GSE1: variants seen among roughly 807,000 people sequenced by gnomAD.
The protein encoded by GSE1 is Gse1 coiled-coil protein.
A neutral mutation model predicts 112.6 loss-of-function variants in GSE1; 32 were observed. That is an observed-to-expected ratio of 0.28 (90% CI 0.21 to 0.38). The LOEUF is 0.38. GSE1 is among the 10% of genes least tolerant of loss of function. The pLI, the probability that GSE1 is intolerant of heterozygous loss-of-function variation, is 1.00. For synonymous variants in GSE1, 1,115 were observed against 735.6 expected (o/e 1.52, Z -8.35); for missense variants, 2,348 against 1,699.2 (o/e 1.38, Z -6.71).
chr16:85,393,060 G>A (rs2047880960), intron 2 of GSE1, among the ~76,000 whole-genome samples: 1 of 152,230 alleles, frequency 6.6e-6, no homozygotes, highest in Non-Finnish European at 1.5e-5. Context: ...GGCTGCTGGT[G>A]CAGGGCCTGC....
chr16:85,617,282 C>G (rs1408501019), intron 1 of GSE1, among the ~76,000 whole-genome samples: 1 of 152,158 alleles, frequency 6.6e-6, no homozygotes, highest in African/African-American at 2.4e-5. Flanking sequence ...GAGTCCAGGC[C>G]TGGAGGAAGG....
At chr16:85,603,925 G>C (rs569036774) in intron 1 of GSE1, among the ~76,000 whole-genome samples, 4 of 152,278 alleles carry the variant, frequency 2.6e-5, no homozygotes, top group Admixed American at 1.3e-4. Context: ...CTCTGTCCTG[G>C]TCCAAATCAT....
chr16:85,516,454 C>CTA (rs2051940548), intron 2 of GSE1, among the ~76,000 whole-genome samples: 1 of 75,192 alleles, frequency 1.3e-5, no homozygotes, highest in African/African-American at 7.3e-5. Context: ...ACCCCCATCT[C>CTA]TACAAAAAAA....
At chr16:85,320,089 G>C (rs905194007) in intron 1 of GSE1, among the ~76,000 whole-genome samples, 3 of 152,186 alleles carry the variant, frequency 2.0e-5, no homozygotes, top group African/African-American at 7.2e-5. Context: ...AATCTGTCTG[G>C]GAAACTTTAA....
intron 2 of GSE1, among the ~76,000 whole-genome samples, chr16:85,501,529 C>A (rs1001259811): frequency 6.6e-6 from 1 of 151,690 alleles, no homozygotes; most frequent in Non-Finnish European, 1.5e-5. Context: ...ATAGCTGAGA[C>A]TACAGGCGTG....
intron 2 of GSE1, among the ~76,000 whole-genome samples, chr16:85,455,934 G>C (rs1363199463): frequency 6.6e-6 from 1 of 152,240 alleles, no homozygotes; most frequent in African/African-American, 2.4e-5. Flanking sequence ...CCCGCTTTGT[G>C]TGCCTTACAA....
At chr16:85,642,938 G>A (rs1022288113) in intron 2 of GSE1, among the ~76,000 whole-genome samples, 4 of 152,156 alleles carry the variant, frequency 2.6e-5, no homozygotes, top group South Asian at 4.1e-4. Context: ...TCTACAGTGC[G>A]CTGGAGAGTG....
chr16:85,663,066 G>A lies in GSE1; in HGVS notation c.2346G>A (p.Pro782=), dbSNP rs201311586. 222 of 1,611,610 alleles carry A rather than the reference G, an allele frequency of 1.4e-4. 1 individual carries two copies. The East Asian group carries it at 4.3e-3, about 32-fold the overall frequency. Residue 782 remains proline, a synonymous_variant, in exon 10 of 16, where the codon CCG becomes CCA. Transcript: ENST00000253458. ...ACCTCCGTTGCGTGGCCGAGCAGCCGCCCCTCAAACTGGACACGTCCTCTG... is the reference window on the plus strand; with the variant it reads ...ACCTCCGTTGCGTGGCCGAGCAGCCACCCCTCAAACTGGACACGTCCTCTG... ...RAHLRCVAEQ[P]PLKLDTSSEK...
intron 1 of GSE1, among the ~76,000 whole-genome samples, chr16:85,354,132 C>T (rs1303629097): frequency 6.6e-6 from 1 of 152,168 alleles, no homozygotes; most frequent in Non-Finnish European, 1.5e-5. Context: ...CTTGGGGACC[C>T]CTCCCCTTCT....
At chr16:85,644,096 G>C (rs2050662291) in intron 2 of GSE1, among the ~76,000 whole-genome samples, 1 of 152,162 alleles carries the variant, frequency 6.6e-6, no homozygotes, top group Non-Finnish European at 1.5e-5. Flanking sequence ...GGGCAACTGA[G>C]GCGGGAGGAT....
At chr16:85,407,355 T>G (rs866604095) in intron 2 of GSE1, among the ~76,000 whole-genome samples, 1 of 20,670 alleles carries the variant, frequency 4.8e-5, no homozygotes. Context: ...TCCTCACCGT[T>G]ACACTCAGGG....
intron 1 of GSE1, among the ~76,000 whole-genome samples, chr16:85,232,923 C>T (rs1904303588): frequency 6.6e-6 from 1 of 152,242 alleles, no homozygotes; most frequent in African/African-American, 2.4e-5. Flanking sequence ...CAGGTGTGAG[C>T]GTGCAAAGTG....
chr16:85,548,899 C>T (rs1377898762), intron 2 of GSE1, among the ~76,000 whole-genome samples: 2 of 152,162 alleles, frequency 1.3e-5, no homozygotes, highest in Non-Finnish European at 2.9e-5. Flanking sequence ...AAGTGATTCT[C>T]CTGCCTCAGC....
chr16:85,354,600 C>G (rs534622735), intron 1 of GSE1, among the ~76,000 whole-genome samples: 1 of 152,234 alleles, frequency 6.6e-6, no homozygotes, highest in South Asian at 2.1e-4. Flanking sequence ...CCCCCCAGCT[C>G]CAGGAGGGAC....
At position 85,655,766 on chromosome 16, in the gene GSE1, T is replaced by C; in HGVS notation, c.838T>C (p.Phe280Leu). The C allele has an allele frequency of 6.2e-7, 1 of 1,609,952 alleles. No individual in the cohort carries two copies. Among genetic ancestry groups the C allele is most frequent in the Non-Finnish European group, 8.5e-7 (1 of 1,178,272 alleles). The change falls in exon 6 of 16, where the codon TTC (phenylalanine) becomes CTC (leucine). Residue 280 changes from phenylalanine (F) to leucine (L), a missense_variant. Transcript: ENST00000253458. ...CTGCCTGTCTGCCCTGAGGTCCCCG[T>C]TCTACCCCATCCCCACCCCCGGCTC... ...SYCLSALRSP[F>L]YPIPTPGSLP... is the part of the protein sequence containing the mutation.
chr16:85,236,438 G>T (rs1904673996), intron 1 of GSE1, among the ~76,000 whole-genome samples: 1 of 152,240 alleles, frequency 6.6e-6, no homozygotes, highest in South Asian at 2.1e-4. Context: ...CTGAGACTTG[G>T]GGTCCCACTG....
intron 1 of GSE1, among the ~76,000 whole-genome samples, chr16:85,280,326 C>T (rs1394871646): frequency 6.6e-6 from 1 of 152,214 alleles, no homozygotes; most frequent in African/African-American, 2.4e-5. Context: ...ATCCAGCACC[C>T]AAGCTCTCAG....
At chr16:85,174,610 G>T (rs758384709) in intron 1 of GSE1, among the ~76,000 whole-genome samples, 14 of 152,230 alleles carry the variant, frequency 9.2e-5, no homozygotes, top group Middle Eastern at 3.2e-3. Flanking sequence ...TGGGGATCTG[G>T]TGGCAAGCAC....
chr16:85,517,881 C>T (rs943505408), intron 2 of GSE1, among the ~76,000 whole-genome samples: 5 of 152,246 alleles, frequency 3.3e-5, no homozygotes, highest in Admixed American at 2.0e-4. Context: ...TCGCGAAAGG[C>T]CTTGCGTGTG....
Sources: allele counts gnomAD v4.1 joint callset (sites outside exome capture counted in the v4.1 genomes callset), GRCh38; gene constraint gnomAD v4.1.1; transcripts MANE v1.5; gene names NCBI Gene and HGNC (gene_info 2026-07-23, HGNC 2026-07-21).